CIMAP1A: variants seen among roughly 807,000 people sequenced by gnomAD.
The protein encoded by CIMAP1A is ciliary microtubule associated protein 1A.
At chr11:198,681 A>G in the CIMAP1A span, 35 of 1,524,990 alleles carry the variant, frequency 2.3e-5, no homozygotes, top group Non-Finnish European at 3.0e-5. Flanking sequence ...TGCCTTGCCA[A>G]TGCCCCTCAG....
the CIMAP1A span, chr11:199,666 G>A: frequency 2.1e-6 from 3 of 1,407,820 alleles, no homozygotes; most frequent in South Asian, 3.1e-5. Context: ...GAGGGGTGGG[G>A]TGGGGATGGG....
chr11:198,857 C>A, the CIMAP1A span: 1 of 1,328,122 alleles, frequency 7.5e-7, no homozygotes, highest in Non-Finnish European at 9.6e-7. Flanking sequence ...GAGAGAGAGG[C>A]AATCTTAGAT....
the CIMAP1A span, chr11:197,697 C>T: frequency 1.3e-4 from 216 of 1,613,694 alleles, no homozygotes; most frequent in Non-Finnish European, 1.8e-4. Context: ...CTGGCAAGGA[C>T]CTTGGCCCTG....
chr11:198,674 C>T, the CIMAP1A span: 1 of 1,529,344 alleles, frequency 6.5e-7, no homozygotes, highest in Non-Finnish European at 8.8e-7. Flanking sequence ...TCGGCCCTGC[C>T]TTGCCAATGC....
chr11:198,560 G>T, the CIMAP1A span: 33 of 1,610,786 alleles, frequency 2.0e-5, no homozygotes, highest in Non-Finnish European at 2.8e-5. Flanking sequence ...AGCAAGCTGG[G>T]CGGCTTCAGC....
the CIMAP1A span, chr11:199,268 G>A: frequency 2.0e-6 from 3 of 1,507,240 alleles, no homozygotes; most frequent in Non-Finnish European, 1.8e-6. Flanking sequence ...GCACCAACTT[G>A]TAGCTGACCC....
chr11:199,926 T>G, the CIMAP1A span: 2 of 1,613,616 alleles, frequency 1.2e-6, no homozygotes, highest in South Asian at 2.2e-5. Context: ...GTTCCTATCA[T>G]AGCCCCTCCT....
chr11:197,781 G>A, the CIMAP1A span: 6 of 1,610,982 alleles, frequency 3.7e-6, no homozygotes, highest in Non-Finnish European at 5.1e-6. Flanking sequence ...CCTGTCTCAG[G>A]CTCCTGCCCT....
the CIMAP1A span, chr11:199,842 G>C: frequency 3.1e-4 from 463 of 1,508,484 alleles, 1 homozygote; most frequent in Middle Eastern, 2.3e-3. Flanking sequence ...TGGCCACCTT[G>C]GCCCCAGGTT....
the CIMAP1A span, chr11:199,667 T>TGGGGGGGGGGGGGGGGGGG: frequency 4.8e-6 from 2 of 420,274 alleles, no homozygotes; most frequent in Non-Finnish European, 6.7e-6. Context: ...AGGGGTGGGG[T>TGGGGGGGGGGGGGGGGGGG]GGGGATGGGA....
the CIMAP1A span, chr11:197,357 C>A: frequency 6.3e-7 from 1 of 1,597,556 alleles, no homozygotes; most frequent in East Asian, 2.3e-5. Flanking sequence ...CCCCGGGGAC[C>A]CATCATGGCC....
At chr11:199,272 C>T in the CIMAP1A span, 9 of 1,511,080 alleles carry the variant, frequency 6.0e-6, 1 homozygote, top group Middle Eastern at 3.5e-4. Context: ...CAACTTGTAG[C>T]TGACCCTGTT....
At chr11:197,990 C>T in the CIMAP1A span, 5 of 1,534,900 alleles carry the variant, frequency 3.3e-6, no homozygotes, top group Non-Finnish European at 4.4e-6. Flanking sequence ...GACGTCAGAC[C>T]CCACTCTCCC....
the CIMAP1A span, chr11:198,053 G>C: frequency 6.5e-7 from 1 of 1,542,836 alleles, no homozygotes; most frequent in Non-Finnish European, 8.7e-7. Flanking sequence ...TTTCCATCCT[G>C]GACACCCCCT....
the CIMAP1A span, chr11:199,070 T>C: frequency 2.4e-6 from 3 of 1,264,880 alleles, no homozygotes; most frequent in Non-Finnish European, 3.0e-6. Context: ...GGCCCTCAGG[T>C]CCAACAGGGC....
chr11:198,154 A>G, the CIMAP1A span: 7 of 1,595,448 alleles, frequency 4.4e-6, no homozygotes, highest in Non-Finnish European at 8.5e-7. Flanking sequence ...ACTGGGCTGC[A>G]TACCCACCTG....
the CIMAP1A span, chr11:197,221 G>A: frequency 3.3e-6 from 3 of 919,170 alleles, no homozygotes; most frequent in African/African-American, 5.0e-5. Flanking sequence ...GCAAGAGCAG[G>A]GTCGGGGACA....
At chr11:198,639 C>T in the CIMAP1A span, 1 of 1,555,426 alleles carries the variant, frequency 6.4e-7, no homozygotes, top group Non-Finnish European at 8.7e-7. Flanking sequence ...TCTGAACCCT[C>T]CCCCGGAACC....
the CIMAP1A span, chr11:198,357 T>G: frequency 6.2e-7 from 1 of 1,613,060 alleles, no homozygotes; most frequent in Non-Finnish European, 8.5e-7. Flanking sequence ...CTGGGTGGGG[T>G]GTGTGACATG....
Sources: gnomAD v4.1 joint callset for allele counts on GRCh38, gnomAD v4.1.1 for gene constraint, MANE v1.5 for transcripts, NCBI Gene and HGNC (gene_info 2026-07-23, HGNC 2026-07-21) for gene names.